Variants in DRC11 observed in about 807,000 individuals in gnomAD.
The protein encoded by DRC11 is IQ and AAA domain-containing protein 1.
At chr2:236,357,581 T>G in the DRC11 span, among the ~76,000 whole-genome samples, 2 of 126,824 alleles carry the variant, frequency 1.6e-5, no homozygotes, top group African/African-American at 6.3e-5. Context: ...TAGTTATATA[T>G]TATAAATATG....
At chr2:236,465,754 AC>A in the DRC11 span, 3 of 1,220,550 alleles carry the variant, frequency 2.5e-6, no homozygotes, top group Non-Finnish European at 3.6e-6. This position sits in a 1 kb window ranked among gnomAD's most constrained non-coding sequence, Gnocchi z 6.2. Flanking sequence ...CATAAAAGTT[AC>A]AGAGTTGGTA....
the DRC11 span, among the ~76,000 whole-genome samples, chr2:236,356,978 CAT>C: frequency 2.3e-5 from 2 of 85,406 alleles, no homozygotes; most frequent in South Asian, 3.4e-4. Context: ...ATTATATATT[CAT>C]ATATTATATA....
At chr2:236,322,574 G>C in the DRC11 span, among the ~76,000 whole-genome samples, 1 of 152,050 alleles carries the variant, frequency 6.6e-6, no homozygotes, top group African/African-American at 2.4e-5. Context: ...TTCTTACACT[G>C]TGGAAGTAGA....
chr2:236,394,143 G>C, the DRC11 span, among the ~76,000 whole-genome samples: 3 of 152,094 alleles, frequency 2.0e-5, no homozygotes, highest in Non-Finnish European at 4.4e-5. This position sits in a 1 kb window ranked among gnomAD's most constrained non-coding sequence, Gnocchi z 7.0. Context: ...TGTACCCCTC[G>C]AGGGGAGAGG....
the DRC11 span, among the ~76,000 whole-genome samples, chr2:236,444,604 TCCC>T: frequency 6.6e-6 from 1 of 152,090 alleles, no homozygotes; most frequent in Non-Finnish European, 1.5e-5. Context: ...GTGAGCTCAC[TCCC>T]CCAAGGTAGC....
the DRC11 span, among the ~76,000 whole-genome samples, chr2:236,311,059 G>A: frequency 7.9e-5 from 12 of 152,308 alleles, no homozygotes; most frequent in Admixed American, 6.5e-4. This position sits in a 1 kb window ranked among gnomAD's most constrained non-coding sequence, Gnocchi z 6.9. Context: ...TCACCTCTGG[G>A]GACGACACAC....
the DRC11 span, among the ~76,000 whole-genome samples, chr2:236,343,376 G>C: frequency 1.3e-5 from 2 of 152,188 alleles, no homozygotes; most frequent in Non-Finnish European, 2.9e-5. The surrounding 1 kb of genome is among the most constrained non-coding windows in gnomAD (Gnocchi z 6.6). Context: ...GAATGCAGGG[G>C]GCTGCATGAA....
At chr2:236,497,318 C>T in the DRC11 span, 5,762 of 1,613,832 alleles carry the variant, frequency 3.6e-3, 11 homozygotes, top group Non-Finnish European at 4.3e-3. The surrounding 1 kb of genome is among the most constrained non-coding windows in gnomAD (Gnocchi z 5.1). Context: ...ACGAACTGGT[C>T]GTAGACATTC....
the DRC11 span, among the ~76,000 whole-genome samples, chr2:236,314,692 A>C: frequency 1.2e-4 from 19 of 152,364 alleles, no homozygotes; most frequent in South Asian, 2.5e-3. The surrounding 1 kb of genome is among the most constrained non-coding windows in gnomAD (Gnocchi z 4.5). Flanking sequence ...GTAAAACTTA[A>C]AAATGAAATT....
chr2:236,414,672 A>C, the DRC11 span, among the ~76,000 whole-genome samples: 3 of 152,108 alleles, frequency 2.0e-5, no homozygotes, highest in Admixed American at 2.0e-4. Flanking sequence ...GCTGAAGACG[A>C]ACATCCCAGA....
the DRC11 span, among the ~76,000 whole-genome samples, chr2:236,485,597 T>G: frequency 6.6e-6 from 1 of 152,186 alleles, no homozygotes; most frequent in Non-Finnish European, 1.5e-5. Context: ...GACTGACTGG[T>G]CCCCTTCTCT....
chr2:236,357,810 G>A, the DRC11 span, among the ~76,000 whole-genome samples: 2 of 99,440 alleles, frequency 2.0e-5, no homozygotes, highest in East Asian at 2.4e-4. Context: ...TATAAATATA[G>A]AATATATAAA....
the DRC11 span, among the ~76,000 whole-genome samples, chr2:236,396,758 T>G: frequency 6.6e-6 from 1 of 152,250 alleles, no homozygotes; most frequent in East Asian, 1.9e-4. Context: ...CTTTCCTATA[T>G]TCATTTATTC....
chr2:236,408,454 A>G, the DRC11 span: 4 of 740,790 alleles, frequency 5.4e-6, no homozygotes, highest in Non-Finnish European at 1.0e-5. The surrounding 1 kb of genome is among the most constrained non-coding windows in gnomAD (Gnocchi z 5.5). Context: ...CACTTGGTTC[A>G]CAGGTATGGG....
At chr2:236,401,632 G>A in the DRC11 span, among the ~76,000 whole-genome samples, 2 of 152,200 alleles carry the variant, frequency 1.3e-5, no homozygotes, top group Non-Finnish European at 2.9e-5. This position sits in a 1 kb window ranked among gnomAD's most constrained non-coding sequence, Gnocchi z 4.6. Context: ...AGCGGAGGAA[G>A]CGTGAAGACC....
chr2:236,434,526 C>T, the DRC11 span, among the ~76,000 whole-genome samples: 1 of 152,038 alleles, frequency 6.6e-6, no homozygotes, highest in African/African-American at 2.4e-5. This position sits in a 1 kb window ranked among gnomAD's most constrained non-coding sequence, Gnocchi z 5.5. Context: ...TAGTAATCTC[C>T]ATTTATAGAT....
the DRC11 span, among the ~76,000 whole-genome samples, chr2:236,365,495 C>T: frequency 2.0e-5 from 3 of 151,642 alleles, no homozygotes; most frequent in South Asian, 2.1e-4. The surrounding 1 kb of genome is among the most constrained non-coding windows in gnomAD (Gnocchi z 7.4). Context: ...GAAAGGTGGT[C>T]GGGGACTGCA....
chr2:236,460,270 A>G, the DRC11 span, among the ~76,000 whole-genome samples: 141 of 152,240 alleles, frequency 9.3e-4, 1 homozygote, highest in African/African-American at 3.3e-3. This position sits in a 1 kb window ranked among gnomAD's most constrained non-coding sequence, Gnocchi z 4.0. Context: ...CAGGTCAAGG[A>G]CACCAGATAA....
chr2:236,312,592 T>A, the DRC11 span, among the ~76,000 whole-genome samples: 1 of 151,976 alleles, frequency 6.6e-6, no homozygotes, highest in Non-Finnish European at 1.5e-5. Context: ...TCTAAATCTA[T>A]ATAGTGAAAA....
Sources: allele counts gnomAD v4.1 joint callset (sites outside exome capture counted in the v4.1 genomes callset), GRCh38; gene constraint gnomAD v4.1.1; non-coding constraint Gnocchi (gnomAD v3.1); transcripts MANE v1.5; gene names NCBI Gene and HGNC (gene_info 2026-07-23, HGNC 2026-07-21).